F5: variants seen among roughly 807,000 people sequenced by gnomAD.
The protein encoded by F5 is coagulation factor V.
F5 carries 138 observed loss-of-function variants against 216.4 expected under a neutral mutation model. The observed-to-expected ratio is 0.64, with a 90% CI of 0.56 to 0.73. The LOEUF is 0.73. F5 is among the 30% of genes least tolerant of loss of function. The probability of loss-of-function intolerance (pLI) is 0.00; values close to 1 mark genes in which losing one functional copy is unlikely to be tolerated. For missense variants in F5, 2,403 were observed against 2,674.0 expected, an observed-to-expected ratio of 0.90 and a Z score of 2.24; for synonymous variants, 916 against 930.7, an observed-to-expected ratio of 0.98 and a Z score of 0.29.
At chr1:169,537,953 T>A (rs1425621208) in intron 13 of F5, among the ~76,000 whole-genome samples, 1 of 152,028 alleles carries the variant, frequency 6.6e-6, no homozygotes. Flanking sequence ...AATTACCACA[T>A]GATCCATCAA....
chr1:169,527,308 C>T (rs1247025631), intron 17 of F5, among the ~76,000 whole-genome samples: 2 of 152,196 alleles, frequency 1.3e-5, no homozygotes, highest in Admixed American at 1.3e-4. Context: ...GATACACTTA[C>T]AAACAACTCA....
At position 169,525,978 on chromosome 1, in the gene F5, C is replaced by G. The variant is rs1427318530; in HGVS notation, c.5639G>C (p.Gly1880Ala). The part of the protein sequence containing the change: ...KTLEMKASKP[G>A]WWLLNTEVGE... ...AACCTCTGTGTTTAGGAGCCACCAG[C>G]CAGGTTTTGATGCCTTCATTTCAAG... The change falls in exon 18 of 25, where the codon GGC (glycine) becomes GCC (alanine). Residue 1880 changes from glycine to alanine, a missense_variant. Physicochemically the swap from Gly to Ala is moderately conservative, Grantham distance 60. Transcript: ENST00000367797. 16 of 1,613,096 alleles carry G rather than the reference C, an allele frequency of 9.9e-6. No individual in the cohort carries two copies. Among genetic ancestry groups the G allele is most frequent in the Non-Finnish European group, 1.4e-5 (16 of 1,179,416 alleles).
At chr1:169,573,710 G>C (rs1660780753) in intron 2 of F5, among the ~76,000 whole-genome samples, 1 of 152,158 alleles carries the variant, frequency 6.6e-6, no homozygotes, top group Non-Finnish European at 1.5e-5. Flanking sequence ...AAAGTTTCTG[G>C]CTACCTGGAT....
At chr1:169,570,414 G>A (rs1251902924) in intron 3 of F5, among the ~76,000 whole-genome samples, 1 of 152,118 alleles carries the variant, frequency 6.6e-6, no homozygotes, top group East Asian at 1.9e-4. Flanking sequence ...CAGTCGTCTA[G>A]AAGCCTCATA....
chr1:169,530,815 C>T lies in F5; in HGVS notation c.5179G>A (p.Ala1727Thr), dbSNP rs1373568214. 3 of 1,613,900 alleles carry T rather than the reference C, an allele frequency of 1.9e-6. No individual in the cohort carries two copies. The South Asian group carries it at 3.3e-5, about 18-fold the overall frequency. Residue 1727 changes from alanine to threonine, a missense_variant, in exon 15 of 25, where the codon GCT (alanine) becomes ACT (threonine). This residue lies in a region of F5 where 659 missense variants were observed against 787.9 expected (regional missense o/e 0.84). Transcript: ENST00000367797. ...TTCACAGCTGAGTAGTAGGCCCAAG[C>T]CCGACAGGCAGAGCCAGGACTTTCT... Reference protein sequence around the residue: ...GPESPGSACRAWAYYSAVNPE... With the variant: ...GPESPGSACRTWAYYSAVNPE...
At chr1:169,569,106 C>T (rs1356239607) in intron 3 of F5, among the ~76,000 whole-genome samples, 7 of 151,958 alleles carry the variant, frequency 4.6e-5, no homozygotes, top group African/African-American at 7.2e-5. Flanking sequence ...AAACTATAGC[C>T]GTTATAGTTT....
chr1:169,541,444 C>A lies in F5; in HGVS notation c.3646G>T (p.Glu1216Ter), dbSNP rs1267208797. 2 of 1,613,918 alleles carry A rather than the reference C, an allele frequency of 1.2e-6. No homozygotes were observed. Among genetic ancestry groups the A allele is most frequent in the Admixed American group, 1.7e-5 (1 of 59,988 alleles). ...PDLSHTTLSP[E>*]LIQRNLSPAL... ...GGGGAAAGGTTTCTCTGAATGAGTT[C>A]TGGAGAGAGAGTCGTGTGGCTGAGG... is the stretch of plus-strand genomic sequence containing the variant. Residue 1216 changes from glutamate (E) to a stop codon, truncating the protein, a stop_gained, in exon 13 of 25, where the codon GAA (glutamate) becomes TAA (stop). Coordinates refer to ENST00000367797, the MANE Select transcript of F5 (RefSeq NM_000130.5). LOFTEE classifies it high-confidence loss of function.
intron 7 of F5, among the ~76,000 whole-genome samples, chr1:169,553,620 G>T (rs1248912104): frequency 6.6e-6 from 1 of 152,250 alleles, no homozygotes; most frequent in East Asian, 1.9e-4. Flanking sequence ...TACTCGGGAG[G>T]CTGAGGCAGG....
chr1:169,530,956 A>G lies in F5; in HGVS notation c.5038T>C (p.Ser1680Pro), dbSNP rs781088754. The change falls in exon 15 of 25, where the codon TCA (serine) becomes CCA (proline). Residue 1680 changes from serine (S) to proline (P), a missense_variant. This residue lies in a region of F5 where 659 missense variants were observed against 787.9 expected (regional missense o/e 0.84). Transcript: ENST00000367797. Reference protein sequence around the residue: ...LHAHGLSYEKSSEGKTYEDDS... With the variant: ...LHAHGLSYEKPSEGKTYEDDS... ...TCTTCATAAGTCTTTCCCTCTGATG[A>G]TTTTTCATAGGAAAGTCCATGGGCA... 2 of 1,613,710 alleles carry G rather than the reference A, an allele frequency of 1.2e-6. No homozygotes were observed. The highest frequency in any genetic ancestry group is 1.1e-5 in the South Asian group (1 of 91,078).
chr1:169,555,403 T>G lies in F5; in HGVS notation c.953-56A>C. The G allele has an allele frequency of 2.0e-6, 3 of 1,534,452 alleles. No individual in the cohort carries two copies. In the South Asian group the frequency reaches 3.4e-5, roughly 17 times the overall value. On this transcript the variant is annotated intron_variant, in intron 6 of 24. Transcript: ENST00000367797. ...CTCAAGAGAAGAAATTATGGTTGAT[T>G]GAAATGCATATCCTTTAAATCAACT...
At chr1:169,577,774 C>G (rs1384404850) in intron 2 of F5, among the ~76,000 whole-genome samples, 1 of 151,328 alleles carries the variant, frequency 6.6e-6, no homozygotes, top group East Asian at 1.9e-4. Flanking sequence ...GACAGAATTC[C>G]TAAAAATGAC....
intron 3 of F5, among the ~76,000 whole-genome samples, chr1:169,562,419 T>G (rs1660504452): frequency 6.6e-6 from 1 of 152,136 alleles, no homozygotes; most frequent in Non-Finnish European, 1.5e-5. Context: ...TGCTTTTTTA[T>G]TCAATCTTAT....
At chr1:169,568,172 T>C (rs948335179) in intron 3 of F5, among the ~76,000 whole-genome samples, 4 of 152,120 alleles carry the variant, frequency 2.6e-5, no homozygotes, top group Admixed American at 2.0e-4. Context: ...GAATTTCACA[T>C]TCGCCTGTCA....
intron 18 of F5, among the ~76,000 whole-genome samples, chr1:169,525,351 GA>G (rs9332638): frequency 0.019 from 2,873 of 152,038 alleles, 91 homozygotes; most frequent in African/African-American, 0.066. Context: ...ATAAAAATAT[GA>G]AAAAAAGTTC....
rs568363595 is a variant in F5 at position 169,557,183 on chromosome 1, G to A, written c.731-316C>T. On this transcript the variant is annotated intron_variant, in intron 5 of 24. Coordinates refer to ENST00000367797, the MANE Select transcript of F5 (RefSeq NM_000130.5). ...CAAGAAGGGAACCAAGAAGGTAACC[G>A]ACTGTTCTGGTCTGAGGGGTTTCCC... Among the ~76,000 whole-genome samples, 141 of 152,308 alleles carry A rather than the reference G, an allele frequency of 9.3e-4. 2 individuals are homozygous for A. Among genetic ancestry groups the A allele is most frequent in the Admixed American group, 1.9e-3 (29 of 15,304 alleles).
intron 2 of F5, among the ~76,000 whole-genome samples, chr1:169,577,996 A>G (rs1660902781): frequency 6.6e-6 from 1 of 152,146 alleles, no homozygotes; most frequent in Admixed American, 6.5e-5. Context: ...GAAAGGTACA[A>G]ATAACACAGG....
rs868537963 is a variant in F5, at chr1:169,550,294, C to A, written c.1397-279G>T. ...ATCCCTCCCCCCGCCCCCCACCCCCCCCCCCCGACAGGCCCCGGTGTGTGA... is the reference window on the plus strand; with the variant it reads ...ATCCCTCCCCCCGCCCCCCACCCCCACCCCCCGACAGGCCCCGGTGTGTGA... On this transcript the variant is annotated intron_variant, in intron 9 of 24. Coordinates refer to ENST00000367797, the MANE Select transcript of F5 (RefSeq NM_000130.5). 1.5e-4 allele frequency among the ~76,000 whole-genome samples: 20 copies of A among 134,110 alleles called. No individual in the cohort carries two copies. In the Middle Eastern group the frequency reaches 0.011, roughly 73 times the overall value. 88.0% of individuals were successfully genotyped at this position (134,110 alleles called of 152,430 possible).
In F5 at chr1:169,559,621, C is replaced by T. The variant is rs182358174; in HGVS notation, c.587-325G>A. On this transcript the variant is annotated intron_variant, in intron 4 of 24. Coordinates refer to ENST00000367797, the MANE Select transcript of F5 (RefSeq NM_000130.5). The stretch of plus-strand genomic sequence containing the variant: ...GTCTCAATAGAAGAGTATATAGATA[C>T]GTTAGCTCAGTTGGTAAAAGCATCA... Among the ~76,000 whole-genome samples, 19 of 152,096 alleles carry T rather than the reference C, an allele frequency of 1.2e-4. No individual in the cohort carries two copies. The East Asian group carries it at 3.1e-3, about 25-fold the overall frequency.
At chr1:169,526,366 G>T (rs890189315) in intron 17 of F5, among the ~76,000 whole-genome samples, 4 of 152,012 alleles carry the variant, frequency 2.6e-5, no homozygotes, top group African/African-American at 9.7e-5. Context: ...TATCATACAT[G>T]TTTCCTTTCC....
Sources: allele counts gnomAD v4.1 joint callset (sites outside exome capture counted in the v4.1 genomes callset), GRCh38; gene constraint gnomAD v4.1.1; regional missense constraint gnomAD v4.1.1; transcripts MANE v1.5; gene names NCBI Gene and HGNC (gene_info 2026-07-23, HGNC 2026-07-21).